The following GLIS1 variants were observed in gnomAD, a reference collection of about 807,000 sequenced individuals.
GLIS1 encodes the protein zinc finger protein GLIS1.
In GLIS1, 24 loss-of-function variants were observed where a neutral mutation model predicts 63.8. The ratio of observed to expected loss-of-function variants is 0.38; its 90% CI spans 0.27 to 0.53. The LOEUF is 0.53. GLIS1 is among the 20% of genes least tolerant of loss of function. The pLI is 0.85. For synonymous variants in GLIS1, 450 were observed against 482.5 expected (o/e 0.93, Z 0.88); for missense variants, 1,036 against 1,074.1 (o/e 0.96, Z 0.50).
intron 4 of GLIS1, among the ~76,000 whole-genome samples, chr1:53,590,668 C>A (rs1456057660): frequency 6.6e-6 from 1 of 152,174 alleles, no homozygotes; most frequent in African/African-American, 2.4e-5. Context: ...GTTATCGTAA[C>A]ACAGATGAAG....
At position 53,594,976 on chromosome 1, in the gene GLIS1, T is replaced by G; in HGVS notation, c.452A>C (p.Gln151Pro). Reference protein sequence around the residue: ...FPHPDRSPRPQATYVNGSLPT... With the variant: ...FPHPDRSPRPPATYVNGSLPT... ...GAGGCTGCCGTTCACATACGTGGCC[T>G]GGGGTCTAGGTGACCTGGAAGACAG... Residue 151 changes from glutamine to proline, a missense_variant, in exon 4 of 11, where the codon CAG (glutamine) becomes CCG (proline). Gln to Pro is a moderately conservative substitution (Grantham distance 76). This residue lies in a region of GLIS1 where 592 missense variants were observed against 593.9 expected (regional missense o/e 1.00). Transcript: ENST00000628545. The G allele has an allele frequency of 7.0e-7, 1 of 1,436,154 alleles. No individual in the cohort carries two copies. The highest frequency in any genetic ancestry group is 9.1e-7 in the Non-Finnish European group (1 of 1,100,406). 89.0% of individuals were successfully genotyped at this position (1,436,154 alleles called of 1,614,324 possible). A position where few individuals can be genotyped will look rare whatever the true frequency, so the allele number is the denominator to read the frequency against.
chr1:53,726,402 A>T (rs947657755), intron 2 of GLIS1, among the ~76,000 whole-genome samples: 1 of 152,222 alleles, frequency 6.6e-6, no homozygotes, highest in Non-Finnish European at 1.5e-5. Context: ...GTCTACTCAC[A>T]GCAGGACTCA....
At chr1:53,515,252 C>G (rs1366534777) in intron 7 of GLIS1, among the ~76,000 whole-genome samples, 3 of 152,086 alleles carry the variant, frequency 2.0e-5, no homozygotes, top group Non-Finnish European at 2.9e-5. Flanking sequence ...TGAGAGTAGA[C>G]AGCAGCCCAG....
chr1:53,616,222 T>A (rs1009361136), intron 2 of GLIS1, among the ~76,000 whole-genome samples: 10 of 152,136 alleles, frequency 6.6e-5, no homozygotes, highest in African/African-American at 2.4e-4. Flanking sequence ...CTGCCCGGCC[T>A]AAATTTTCAG....
chr1:53,594,385 A>G lies in GLIS1; in HGVS notation c.1043T>C (p.Leu348Ser). ...GCCTCCAAGGCTTGGGCCAGGCGGC[A>G]ACTGAGACAGGGGATAGGGGGGCGG... is the stretch of plus-strand genomic sequence containing the variant. ...GLPPPYPLSQ[L>S]PPGPSLGGLG... Residue 348 changes from leucine (L) to serine (S), a missense_variant, in exon 4 of 11, where the codon TTG (leucine) becomes TCG (serine). Transcript: ENST00000628545. The G allele has an allele frequency of 6.2e-7, 1 of 1,611,692 alleles. No homozygotes were observed. Among genetic ancestry groups the G allele is most frequent in the Non-Finnish European group, 8.5e-7 (1 of 1,179,068 alleles).
chr1:53,648,008 C>A (rs1645865063), intron 2 of GLIS1, among the ~76,000 whole-genome samples: 1 of 151,706 alleles, frequency 6.6e-6, no homozygotes, highest in African/African-American at 2.4e-5. Flanking sequence ...TCCATTGCTA[C>A]AAAAAAACAA....
chr1:53,513,115 T>C (rs1644314569), intron 8 of GLIS1, among the ~76,000 whole-genome samples: 1 of 152,056 alleles, frequency 6.6e-6, no homozygotes, highest in African/African-American at 2.4e-5. Flanking sequence ...GCCACAATCT[T>C]CCCCTGCCTG....
At position 53,526,407 on chromosome 1, in the gene GLIS1, A is replaced by G. The variant is rs1331577240; in HGVS notation, c.1483-1520T>C. On this transcript the variant is annotated intron_variant, in intron 5 of 10. Transcript: ENST00000628545. This position sits in a 1 kb window ranked among gnomAD's most constrained non-coding sequence, Gnocchi z 4.4. ...AACGGAGGAGAGCAAAAAGAGAGAGACAGCAGTGAGAAGCTTGCCGGGGTT... is the reference window on the plus strand; with the variant it reads ...AACGGAGGAGAGCAAAAAGAGAGAGGCAGCAGTGAGAAGCTTGCCGGGGTT... Among the ~76,000 whole-genome samples the G allele has an allele frequency of 6.6e-6, 1 of 152,164 alleles. No homozygotes were observed. Among genetic ancestry groups the G allele is most frequent in the Non-Finnish European group, 1.5e-5 (1 of 68,010 alleles).
At chr1:53,651,149 T>A (rs1645902566) in intron 2 of GLIS1, among the ~76,000 whole-genome samples, 1 of 152,230 alleles carries the variant, frequency 6.6e-6, no homozygotes, top group Admixed American at 6.5e-5. Flanking sequence ...TTGCACAAAA[T>A]TATTCATTCC....
At position 53,509,982 on chromosome 1, in the gene GLIS1, C is replaced by A; in HGVS notation, c.1929G>T (p.Gly643=). ...ATGGGGGCAGCGGCGGTGGCCCCAG[C>A]CCCTTCAGGGGGCTGACTATTGGTG... The part of the protein sequence containing the change: ...LLSPIVSPLK[G]LGPPPLPPSS... Residue 643 remains glycine (G), a synonymous_variant, in exon 9 of 11, where the codon GGG becomes GGT. Transcript: ENST00000628545. The A allele has an allele frequency of 1.6e-6, 2 of 1,289,780 alleles. No individual in the cohort carries two copies. Among genetic ancestry groups the A allele is most frequent in the Non-Finnish European group, 2.0e-6 (2 of 1,010,744 alleles). 79.9% of individuals were successfully genotyped at this position (1,289,780 alleles called of 1,614,324 possible).
intron 2 of GLIS1, among the ~76,000 whole-genome samples, chr1:53,736,928 G>A (rs1255800334): frequency 6.6e-6 from 1 of 151,794 alleles, no homozygotes; most frequent in East Asian, 1.9e-4. Flanking sequence ...TGAGAACCAA[G>A]AGGTTCCAAA....
intron 2 of GLIS1, among the ~76,000 whole-genome samples, chr1:53,619,958 C>T (rs1355086340): frequency 1.3e-5 from 2 of 152,180 alleles, no homozygotes; most frequent in South Asian, 4.1e-4. Flanking sequence ...GCTGCTGCCT[C>T]CTAAAGGTGG....
intron 2 of GLIS1, among the ~76,000 whole-genome samples, chr1:53,713,215 C>T: frequency 8.5e-6 from 1 of 117,282 alleles, no homozygotes; most frequent in Non-Finnish European, 1.8e-5. Flanking sequence ...CCAGCCTGGG[C>T]AACATGGTGA....
rs1239870829 is a variant in GLIS1 at position 53,646,066 on chromosome 1, T to C, written c.260-45788A>G. The stretch of plus-strand genomic sequence containing the variant: ...CCTGCAACATCCAGCAACATAATGC[T>C]GAATTTAAAAAGCAAATCTCAGTAT... On this transcript the variant is annotated intron_variant, in intron 2 of 10. Transcript: ENST00000628545. This position sits in a 1 kb window ranked among gnomAD's most constrained non-coding sequence, Gnocchi z 4.2. Among the ~76,000 whole-genome samples, 1 of 152,212 alleles carries C rather than the reference T, an allele frequency of 6.6e-6. No individual in the cohort carries two copies. Among genetic ancestry groups the C allele is most frequent in the Non-Finnish European group, 1.5e-5 (1 of 68,028 alleles).
intron 2 of GLIS1, among the ~76,000 whole-genome samples, chr1:53,727,092 G>C (rs1646812907): frequency 6.6e-6 from 1 of 152,218 alleles, no homozygotes; most frequent in Non-Finnish European, 1.5e-5. Flanking sequence ...AGAGTTCAAC[G>C]AACTTGCCTA....
At chr1:53,692,789 A>G (rs7555908) in intron 2 of GLIS1, among the ~76,000 whole-genome samples, 38,272 of 152,200 alleles carry the variant, frequency 0.25, 5,157 homozygotes, top group African/African-American at 0.35. Flanking sequence ...CTTTCTCCCC[A>G]CTGGGCTGGA....
intron 2 of GLIS1, among the ~76,000 whole-genome samples, chr1:53,676,725 C>T (rs760842298): frequency 3.3e-5 from 5 of 152,168 alleles, no homozygotes; most frequent in Admixed American, 6.5e-5. Flanking sequence ...TTCACGTGTG[C>T]GTCCTGAGGC....
intron 2 of GLIS1, among the ~76,000 whole-genome samples, chr1:53,638,029 T>A (rs1645745244): frequency 6.6e-6 from 1 of 152,154 alleles, no homozygotes; most frequent in Non-Finnish European, 1.5e-5. Context: ...GCCTGAACGT[T>A]ATAATCCTGA....
At chr1:53,601,070 A>G (rs543638055) in intron 2 of GLIS1, among the ~76,000 whole-genome samples, 35 of 151,782 alleles carry the variant, frequency 2.3e-4, no homozygotes, top group African/African-American at 7.5e-4. Context: ...TCCAAACTCC[A>G]TTTTCTTATG....
Sources: allele counts gnomAD v4.1 joint callset (sites outside exome capture counted in the v4.1 genomes callset), GRCh38; gene constraint gnomAD v4.1.1; regional missense constraint gnomAD v4.1.1; non-coding constraint Gnocchi (gnomAD v3.1); transcripts MANE v1.5; gene names NCBI Gene and HGNC (gene_info 2026-07-23, HGNC 2026-07-21).